Variants in TNFSF4 observed in about 807,000 individuals in gnomAD.
TNFSF4 encodes tumor necrosis factor ligand superfamily member 4.
Under a neutral mutation model 7.3 loss-of-function variants are expected in TNFSF4, and 4 were observed. That is an observed-to-expected ratio of 0.55 (90% CI 0.27 to 1.25). The LOEUF (loss-of-function observed/expected upper bound fraction) is 1.25, where lower values mean the gene tolerates loss of function less well. Among genes scored for constraint, TNFSF4 ranks in the 50% most tolerant of loss-of-function variants. The pLI is 0.12. For missense variants in TNFSF4, 181 were observed against 208.8 expected, an observed-to-expected ratio of 0.87 and a Z score of 0.82; for synonymous variants, 76 against 83.7, an observed-to-expected ratio of 0.91 and a Z score of 0.50.
At chr1:173,367,371 T>C in the TNFSF4 span, among the ~76,000 whole-genome samples, 1 of 152,210 alleles carries the variant, frequency 6.6e-6, no homozygotes, top group Non-Finnish European at 1.5e-5. Flanking sequence ...CACAGAGGAT[T>C]CCGTTTTCTA....
At chr1:173,420,131 C>T in the TNFSF4 span, among the ~76,000 whole-genome samples, 2 of 151,978 alleles carry the variant, frequency 1.3e-5, no homozygotes, top group African/African-American at 4.8e-5. Flanking sequence ...TGTCCCTGCA[C>T]TTGAGATGAA....
chr1:173,382,774 C>A, the TNFSF4 span, among the ~76,000 whole-genome samples: 2 of 152,030 alleles, frequency 1.3e-5, no homozygotes, highest in African/African-American at 2.4e-5. Flanking sequence ...ATATCACCTA[C>A]CCTCAGAGCC....
the TNFSF4 span, among the ~76,000 whole-genome samples, chr1:173,411,898 C>A: frequency 4.6e-5 from 7 of 151,910 alleles, no homozygotes; most frequent in Admixed American, 4.6e-4. Flanking sequence ...GGCGGGCAGA[C>A]CACGAGGTCA....
At chr1:173,429,474 C>T in the TNFSF4 span, among the ~76,000 whole-genome samples, 1 of 152,214 alleles carries the variant, frequency 6.6e-6, no homozygotes, top group Non-Finnish European at 1.5e-5. Flanking sequence ...GACAGAGAAG[C>T]TGAGAGGGGA....
At chr1:173,384,833 T>C in the TNFSF4 span, among the ~76,000 whole-genome samples, 6 of 152,232 alleles carry the variant, frequency 3.9e-5, no homozygotes, top group Non-Finnish European at 8.8e-5. Context: ...ATGAATATGT[T>C]CTTATATTTA....
the TNFSF4 span, among the ~76,000 whole-genome samples, chr1:173,310,034 T>TAG: frequency 6.6e-6 from 1 of 151,918 alleles, no homozygotes; most frequent in Non-Finnish European, 1.5e-5. Context: ...ACCTTTTTCC[T>TAG]TCCAATATTG....
chr1:173,202,283 T>G (rs557974579), intron 1 of TNFSF4, among the ~76,000 whole-genome samples: 1 of 152,268 alleles, frequency 6.6e-6, no homozygotes, highest in African/African-American at 2.4e-5. Flanking sequence ...GATCTATATG[T>G]GCATACACGT....
the TNFSF4 span, among the ~76,000 whole-genome samples, chr1:173,359,510 TAA>T: frequency 4.5e-4 from 55 of 122,662 alleles, no homozygotes; most frequent in East Asian, 2.4e-3. Context: ...TTACCAGCTG[TAA>T]AAAAAAAAAA....
chr1:173,201,144 T>C, intron 1 of TNFSF4, among the ~76,000 whole-genome samples: 1 of 152,158 alleles, frequency 6.6e-6, no homozygotes, highest in East Asian at 1.9e-4. Flanking sequence ...GAAACGGAAA[T>C]AGCCTAAGCC....
chr1:173,344,156 C>A, the TNFSF4 span, among the ~76,000 whole-genome samples: 1 of 152,178 alleles, frequency 6.6e-6, no homozygotes, highest in Non-Finnish European at 1.5e-5. Flanking sequence ...GTCATGATCT[C>A]TCCCATCAAA....
the TNFSF4 span, among the ~76,000 whole-genome samples, chr1:173,413,195 T>C: frequency 2.0e-5 from 3 of 151,792 alleles, no homozygotes; most frequent in Non-Finnish European, 4.4e-5. Flanking sequence ...AGCTGGAAAA[T>C]ATAGGAGAGA....
chr1:173,358,763 G>A, the TNFSF4 span, among the ~76,000 whole-genome samples: 1 of 152,202 alleles, frequency 6.6e-6, no homozygotes, highest in Admixed American at 6.5e-5. Context: ...TAATATAGAT[G>A]AATGTCACAG....
At chr1:173,228,061 C>A in the TNFSF4 span, among the ~76,000 whole-genome samples, 126 of 152,198 alleles carry the variant, frequency 8.3e-4, 1 homozygote, top group Middle Eastern at 0.017. Context: ...AATTAAATGT[C>A]CCTGTTTGAA....
the TNFSF4 span, among the ~76,000 whole-genome samples, chr1:173,258,617 G>A: frequency 7.2e-5 from 11 of 152,280 alleles, no homozygotes; most frequent in South Asian, 2.1e-4. Context: ...CTGAGTTCCC[G>A]GGGTGAGAGG....
At chr1:173,385,747 G>A in the TNFSF4 span, among the ~76,000 whole-genome samples, 306 of 152,264 alleles carry the variant, frequency 2.0e-3, 2 homozygotes, top group South Asian at 1.9e-3. Flanking sequence ...GCTGAGGCAC[G>A]AGAATTGCTT....
the TNFSF4 span, among the ~76,000 whole-genome samples, chr1:173,233,880 G>T: frequency 6.6e-6 from 1 of 152,140 alleles, no homozygotes; most frequent in African/African-American, 2.4e-5. Flanking sequence ...TCAGGACATA[G>T]GCATGGGCAA....
At chr1:173,416,638 T>TATTTATTTATTTATTTATTTTTTGAGA in the TNFSF4 span, among the ~76,000 whole-genome samples, 11,467 of 109,358 alleles carry the variant, frequency 0.1, 955 homozygotes, top group Admixed American at 0.17. Flanking sequence ...ATTTATTTTT[T>TATTTATTTATTTATTTATTTTTTGAGA]GAGAGAGAGA....
chr1:173,380,027 T>C, the TNFSF4 span, among the ~76,000 whole-genome samples: 14 of 152,290 alleles, frequency 9.2e-5, no homozygotes, highest in African/African-American at 3.4e-4. Flanking sequence ...CGTTTGACCA[T>C]TGAGGGCCAG....
the TNFSF4 span, among the ~76,000 whole-genome samples, chr1:173,443,899 A>C: frequency 6.6e-6 from 1 of 152,286 alleles, no homozygotes; most frequent in Admixed American, 6.5e-5. Flanking sequence ...CTATGTTCTG[A>C]TTGAAATGTA....
Sources: gnomAD v4.1 joint callset for allele counts (sites outside exome capture counted in the v4.1 genomes callset) on GRCh38, gnomAD v4.1.1 for gene constraint, MANE v1.5 for transcripts, NCBI Gene and HGNC (gene_info 2026-07-23, HGNC 2026-07-21) for gene names.